BBS9: variants seen among roughly 807,000 people sequenced by gnomAD.
BBS9 encodes the protein protein PTHB1.
Under a neutral mutation model 117.7 loss-of-function variants are expected in BBS9, and 89 were observed. The observed-to-expected ratio is 0.76, with a 90% confidence interval of 0.64 to 0.90. The LOEUF is 0.90. Among genes scored for constraint, BBS9 ranks in the 40% least tolerant of loss-of-function variants. The probability of loss-of-function intolerance (pLI) is 0.00; values close to 1 mark genes in which losing one functional copy is unlikely to be tolerated. For missense variants in BBS9, 982 were observed against 1,042.2 expected, an observed-to-expected ratio of 0.94 and a Z score of 0.80; for synonymous variants, 379 against 370.9, an observed-to-expected ratio of 1.02 and a Z score of -0.25.
chr7:33,459,536 G>T (rs1839149846), intron 19 of BBS9, among the ~76,000 whole-genome samples: 1 of 151,958 alleles, frequency 6.6e-6, no homozygotes, highest in African/African-American at 2.4e-5. Context: ...TAAAAGAAGT[G>T]GCCCGTCTCT....
At chr7:33,359,789 T>A (rs1386114677) in intron 16 of BBS9, among the ~76,000 whole-genome samples, 1 of 152,102 alleles carries the variant, frequency 6.6e-6, no homozygotes, top group African/African-American at 2.4e-5. Flanking sequence ...TCTTCCCATT[T>A]GTTTATTCCA....
intron 21 of BBS9, among the ~76,000 whole-genome samples, chr7:33,579,293 C>T (rs1019019436): frequency 1.3e-5 from 2 of 152,094 alleles, no homozygotes; most frequent in African/African-American, 4.8e-5. Flanking sequence ...TACAGAAGAC[C>T]CTATTCTATC....
intron 19 of BBS9, among the ~76,000 whole-genome samples, chr7:33,479,076 A>G (rs1000292100): frequency 9.9e-5 from 15 of 152,140 alleles, no homozygotes; most frequent in Non-Finnish European, 1.9e-4. Flanking sequence ...TCAAGGCTGA[A>G]TATTTCTTTT....
At chr7:33,232,764 A>G (rs1048804362) in intron 5 of BBS9, among the ~76,000 whole-genome samples, 7 of 152,110 alleles carry the variant, frequency 4.6e-5, no homozygotes, top group South Asian at 4.1e-4. Flanking sequence ...GCCTAGGTGT[A>G]TGTGCTTGTA....
intron 19 of BBS9, among the ~76,000 whole-genome samples, chr7:33,493,937 C>T (rs1048497472): frequency 8.5e-5 from 13 of 152,198 alleles, no homozygotes; most frequent in Admixed American, 6.5e-5. Flanking sequence ...TATCAAACTT[C>T]TGATCATCAA....
At chr7:33,408,889 A>G (rs528181727) in intron 19 of BBS9, among the ~76,000 whole-genome samples, 27 of 152,256 alleles carry the variant, frequency 1.8e-4, no homozygotes, top group Non-Finnish European at 2.9e-4. Context: ...TGACTTTTTA[A>G]CAAAAGCCAT....
At chr7:33,584,465 A>G (rs1232505258) in intron 21 of BBS9, among the ~76,000 whole-genome samples, 1 of 152,064 alleles carries the variant, frequency 6.6e-6, no homozygotes, top group Non-Finnish European at 1.5e-5. Context: ...TATTAGTTTT[A>G]GATCCTTATT....
intron 2 of BBS9, among the ~76,000 whole-genome samples, chr7:33,151,851 T>A (rs1793381106): frequency 2.1e-5 from 1 of 48,348 alleles, no homozygotes; most frequent in Admixed American, 1.8e-4. Context: ...GCACCCAGCC[T>A]TTTTTTTTTT....
chr7:33,635,354 A>T (rs1447650115), exon 22 of BBS9, among the ~76,000 whole-genome samples: 1 of 152,200 alleles, frequency 6.6e-6, no homozygotes, highest in East Asian at 1.9e-4. Flanking sequence ...TTGGTCTGTG[A>T]TGCGAGGAAC....
At chr7:33,475,663 ACT>A (rs1455904812) in intron 19 of BBS9, among the ~76,000 whole-genome samples, 1 of 152,020 alleles carries the variant, frequency 6.6e-6, no homozygotes, top group Non-Finnish European at 1.5e-5. Context: ...TAGGGGACAA[ACT>A]CTCTGATTTC....
intron 10 of BBS9, among the ~76,000 whole-genome samples, chr7:33,339,155 A>AGTT (rs2128632035): frequency 6.6e-6 from 1 of 152,270 alleles, no homozygotes; most frequent in East Asian, 1.9e-4. Context: ...TTGGCTTGGC[A>AGTT]GTTCCACAGT....
intron 9 of BBS9, among the ~76,000 whole-genome samples, chr7:33,280,103 A>C (rs997244108): frequency 6.6e-6 from 1 of 152,242 alleles, no homozygotes; most frequent in South Asian, 2.1e-4. Context: ...GGCTAGGTCC[A>C]CAATAGTCAC....
At chr7:33,409,819 A>G (rs1010035756) in intron 19 of BBS9, among the ~76,000 whole-genome samples, 7 of 152,172 alleles carry the variant, frequency 4.6e-5, no homozygotes, top group Non-Finnish European at 1.0e-4. Context: ...TTTACCATAT[A>G]CATTTCTGCC....
intron 5 of BBS9, among the ~76,000 whole-genome samples, chr7:33,240,345 C>T (rs989919867): frequency 4.0e-5 from 6 of 151,276 alleles, no homozygotes; most frequent in Admixed American, 3.3e-4. Context: ...GTAGTTTTGA[C>T]GTCCTGGGCT....
chr7:33,391,228 A>G (rs1193431463), intron 19 of BBS9, among the ~76,000 whole-genome samples: 1 of 152,156 alleles, frequency 6.6e-6, no homozygotes, highest in East Asian at 1.9e-4. Flanking sequence ...TCATGAAATA[A>G]CAAGCCATGC....
At chr7:33,581,440 T>C (rs915423582) in intron 21 of BBS9, among the ~76,000 whole-genome samples, 1 of 152,164 alleles carries the variant, frequency 6.6e-6, no homozygotes, top group Admixed American at 6.6e-5. Flanking sequence ...CTTTGTTTTA[T>C]AGCCTGTCTA....
chr7:33,445,574 G>C (rs184811161), intron 19 of BBS9, among the ~76,000 whole-genome samples: 1 of 152,274 alleles, frequency 6.6e-6, no homozygotes, highest in East Asian at 1.9e-4. Context: ...CCATTAGTTG[G>C]AATGTTCTCT....
chr7:33,506,816 A>G (rs1013325282), intron 20 of BBS9, among the ~76,000 whole-genome samples: 2 of 152,218 alleles, frequency 1.3e-5, no homozygotes, highest in Non-Finnish European at 2.9e-5. Flanking sequence ...GGTGAATGAT[A>G]TATTATAAGG....
At chr7:33,224,180 A>G (rs1790807635) in intron 5 of BBS9, among the ~76,000 whole-genome samples, 1 of 152,186 alleles carries the variant, frequency 6.6e-6, no homozygotes, top group Admixed American at 6.5e-5. Context: ...ACTATGCTAA[A>G]TTATTTGTGT....
Sources: allele counts gnomAD v4.1 joint callset (sites outside exome capture counted in the v4.1 genomes callset), GRCh38; gene constraint gnomAD v4.1.1; transcripts MANE v1.5; gene names NCBI Gene and HGNC (gene_info 2026-07-23, HGNC 2026-07-21).